Variants in ALDH18A1 observed in about 807,000 individuals in gnomAD.
The protein encoded by ALDH18A1 is delta-1-pyrroline-5-carboxylate synthase.
Under a neutral mutation model 88.8 loss-of-function variants are expected in ALDH18A1, and 44 were observed. That is an observed-to-expected ratio of 0.50 (90% CI 0.39 to 0.64). ALDH18A1 has a LOEUF of 0.64. ALDH18A1 is among the 30% of genes least tolerant of loss of function. ALDH18A1 has a pLI of 0.00. For missense variants in ALDH18A1, 782 were observed against 1,009.5 expected (o/e 0.77, Z 3.05); for synonymous variants, 331 against 372.1 (o/e 0.89, Z 1.27).
chr10:95,633,214 AC>A (rs1318759425), intron 6 of ALDH18A1, among the ~76,000 whole-genome samples, 165 bp from the exon 7 acceptor site: 1 of 152,180 alleles, frequency 6.6e-6, no homozygotes, highest in Non-Finnish European at 1.5e-5. Context: ...TGTCTGCAGA[AC>A]ACACTGTCTA....
Position 95,637,421 on chromosome 10 carries a change from T to C in ALDH18A1, c.319A>G (p.Asn107Asp). Residue 107 changes from asparagine (N) to aspartate (D), a missense_variant, in exon 4 of 18, where the codon AAT becomes GAT. By Grantham distance (23) the Asn-to-Asp change is conservative (BLOSUM62 1). This residue lies in a region of ALDH18A1 where 132 missense variants were observed against 255.5 expected (regional missense o/e 0.52). Coordinates refer to ENST00000371224, the MANE Select transcript of ALDH18A1 (RefSeq NM_002860.4). ...SIVEQVSVLQ[N>D]QGREMMLVTS... ...ACCAGCATCATCTCTCTGCCCTGAT[T>C]CTGCAGCACTGATACCTGGGCATTG... The C allele has an allele frequency of 6.2e-7, 1 of 1,614,186 alleles. No homozygotes were observed. The highest frequency in any genetic ancestry group is 1.1e-5 in the South Asian group (1 of 91,082).
In ALDH18A1 at chr10:95,611,430, C is replaced by G. The variant is rs2097834259; in HGVS notation, c.1936G>C (p.Ala646Pro). The G allele has an allele frequency of 2.5e-6, 4 of 1,614,172 alleles. No homozygotes were observed. The highest frequency in any genetic ancestry group is 1.7e-4 in the Middle Eastern group (1 of 6,058). ...AGATAGGAGGCAAATTTGGGGCCTG[C>G]ATGAATTTTTACCTGGAACAGAGGA... ...MLRVEQVKIH[A>P]GPKFASYLTF... The change falls in exon 16 of 18, where the codon GCA (alanine) becomes CCA (proline). Residue 646 changes from alanine (A) to proline (P), a missense_variant. Transcript: ENST00000371224.
chr10:95,637,897 A>G (rs1173647165), intron 3 of ALDH18A1, among the ~76,000 whole-genome samples: 1 of 151,930 alleles, frequency 6.6e-6, no homozygotes, highest in Non-Finnish European at 1.5e-5. Context: ...GGAGGTTAAG[A>G]CTGCAGTAAC....
At chr10:95,611,150 A>C in intron 16 of ALDH18A1, 106 bp downstream of exon 16, 6 of 1,333,470 alleles carry the variant, frequency 4.5e-6, no homozygotes, top group African/African-American at 1.4e-5. Context: ...CATTACCATA[A>C]GCCTACTCAA....
chr10:95,614,279 T>C (rs1001534019), intron 13 of ALDH18A1, 118 bp from the exon 14 acceptor site: 7 of 1,121,244 alleles, frequency 6.2e-6, no homozygotes, highest in Non-Finnish European at 1.3e-6. Context: ...TGAGACACTG[T>C]GAAAACTTAT....
intron 2 of ALDH18A1, among the ~76,000 whole-genome samples, chr10:95,648,671 C>G (rs1263775442): frequency 6.6e-6 from 1 of 152,186 alleles, no homozygotes; most frequent in Non-Finnish European, 1.5e-5. Context: ...GCTTCCTGTT[C>G]TGGGGACCCT....
In ALDH18A1 at chr10:95,628,440, A is replaced by G. The variant is rs762937845; in HGVS notation, c.861T>C (p.Phe287=). The change falls in exon 8 of 18, where the codon TTT becomes TTC. Residue 287 remains phenylalanine (F), a synonymous_variant. Transcript: ENST00000371224. The part of the protein sequence containing the change: ...GSDDAKLIDI[F]YPGDQQSVTF... ...TCACAGACTGCTGATCTCCGGGATA[A>G]AATATATCAATAAGCTTTGCATCAT... 1 of 1,614,122 alleles carries G rather than the reference A, an allele frequency of 6.2e-7. No individual in the cohort carries two copies. Among genetic ancestry groups the G allele is most frequent in the South Asian group, 1.1e-5 (1 of 91,086 alleles).
At chr10:95,620,478 C>T (rs1235632944) in intron 12 of ALDH18A1, among the ~76,000 whole-genome samples, 1 of 152,214 alleles carries the variant, frequency 6.6e-6, no homozygotes, top group Non-Finnish European at 1.5e-5. Context: ...AAGACACATG[C>T]ACACGTATGT....
intron 17 of ALDH18A1, 65 bp downstream of exon 17, chr10:95,610,132 C>T: frequency 1.3e-6 from 2 of 1,501,572 alleles, no homozygotes; most frequent in East Asian, 2.3e-5. Context: ...CCCACCTCAA[C>T]ATACCCCTAG....
chr10:95,624,668 T>A (rs141313042), intron 11 of ALDH18A1, among the ~76,000 whole-genome samples: 2 of 152,312 alleles, frequency 1.3e-5, no homozygotes, highest in African/African-American at 4.8e-5. Context: ...ACTCTCTACA[T>A]GTCTAGGTGT....
chr10:95,646,351 G>C (rs1157760338), intron 2 of ALDH18A1, among the ~76,000 whole-genome samples: 1 of 152,184 alleles, frequency 6.6e-6, no homozygotes, highest in Non-Finnish European at 1.5e-5. Flanking sequence ...CAGGAGAAGA[G>C]GGTGGGTCGC....
chr10:95,633,778 G>C (rs958810277), intron 5 of ALDH18A1, 129 bp from the exon 6 acceptor site: 2 of 615,456 alleles, frequency 3.2e-6, no homozygotes, highest in Non-Finnish European at 2.8e-6. Context: ...TAGAAGATTA[G>C]AATGAAATAC....
intron 10 of ALDH18A1, 60 bp downstream of exon 10, chr10:95,626,643 T>TC: frequency 6.5e-7 from 1 of 1,545,108 alleles, no homozygotes; most frequent in Non-Finnish European, 8.9e-7. Context: ...TTGACTCCTG[T>TC]AACTACACAG....
intron 12 of ALDH18A1, among the ~76,000 whole-genome samples, chr10:95,620,236 A>C (rs541434277): frequency 1.2e-4 from 18 of 152,356 alleles, no homozygotes; most frequent in African/African-American, 4.1e-4. Context: ...ACAATGAGAT[A>C]CCATCTCATG....
At chr10:95,634,630 G>T (rs1359533201) in intron 5 of ALDH18A1, among the ~76,000 whole-genome samples, 1 of 152,204 alleles carries the variant, frequency 6.6e-6, no homozygotes. Context: ...GTCACAAGCT[G>T]AAAGGGGGGC....
intron 5 of ALDH18A1, 38 bp downstream of exon 5, chr10:95,637,055 C>T (rs1267820871): frequency 1.3e-6 from 2 of 1,595,908 alleles, no homozygotes; most frequent in South Asian, 1.1e-5. Context: ...CAACCACCCT[C>T]ACAGGTCCCA....
chr10:95,639,910 T>TGGTATGAA (rs1332209616), intron 3 of ALDH18A1, among the ~76,000 whole-genome samples: 6 of 152,180 alleles, frequency 3.9e-5, no homozygotes, highest in African/African-American at 1.4e-4. Flanking sequence ...AACTGCTGTT[T>TGGTATGAA]GGTATGAAGG....
chr10:95,646,108 T>C (rs1279517610), intron 2 of ALDH18A1, among the ~76,000 whole-genome samples: 1 of 152,140 alleles, frequency 6.6e-6, no homozygotes, highest in Non-Finnish European at 1.5e-5. Flanking sequence ...ATGCCAAGTA[T>C]CATGTATTAT....
At chr10:95,635,611 A>C in intron 5 of ALDH18A1, among the ~76,000 whole-genome samples, 1 of 152,194 alleles carries the variant, frequency 6.6e-6, no homozygotes, top group East Asian at 1.9e-4. Flanking sequence ...AAAAGGTACA[A>C]AGGGCAAATA....
Sources: allele counts gnomAD v4.1 joint callset (sites outside exome capture counted in the v4.1 genomes callset), GRCh38; gene constraint gnomAD v4.1.1; regional missense constraint gnomAD v4.1.1; transcripts MANE v1.5; gene names NCBI Gene and HGNC (gene_info 2026-07-23, HGNC 2026-07-21).